Variants in DEFB1 observed in about 807,000 individuals in gnomAD.
The protein encoded by DEFB1 is beta-defensin 1.
DEFB1 carries 4 observed loss-of-function variants against 2.6 expected under a neutral mutation model. The observed-to-expected ratio is 1.53, with a 90% CI of 0.76 to 3.51. DEFB1 has a LOEUF of 3.51. DEFB1 is among the 30% of genes most tolerant of loss of function. DEFB1 has a pLI of 0.01. For missense variants in DEFB1, 162 were observed against 76.9 expected (o/e 2.11, Z -4.14); for synonymous variants, 56 against 28.5 (o/e 1.96, Z -3.07).
intron 1 of DEFB1, among the ~76,000 whole-genome samples, chr8:6,874,981 C>CA (rs34773650): frequency 4.5e-4 from 63 of 138,964 alleles, no homozygotes; most frequent in African/African-American, 1.1e-3. Flanking sequence ...GACTCAGTCT[C>CA]AAAAAAAAAA....
chr8:6,875,627 G>A (rs1283767819), intron 1 of DEFB1, among the ~76,000 whole-genome samples: 3 of 152,208 alleles, frequency 2.0e-5, no homozygotes, highest in African/African-American at 4.8e-5. Context: ...ATGTTGGCAA[G>A]GATACAGAGC....
intron 1 of DEFB1, among the ~76,000 whole-genome samples, chr8:6,877,526 C>A (rs892006146): frequency 3.9e-5 from 6 of 152,348 alleles, no homozygotes; most frequent in South Asian, 4.1e-4. Context: ...ACATAGGATA[C>A]TGTCTACATG....
intron 1 of DEFB1, among the ~76,000 whole-genome samples, chr8:6,871,449 T>C (rs1806307463): frequency 6.6e-6 from 1 of 152,200 alleles, no homozygotes; most frequent in Non-Finnish European, 1.5e-5. Flanking sequence ...AATAGCCTTC[T>C]ATTCCATGCA....
chr8:6,876,038 T>G (rs766811486), intron 1 of DEFB1, among the ~76,000 whole-genome samples: 3 of 152,162 alleles, frequency 2.0e-5, no homozygotes, highest in Admixed American at 2.0e-4. Context: ...CAAACCCTTT[T>G]GAGTTTGGAC....
chr8:6,872,133 T>C (rs1806345573), intron 1 of DEFB1, among the ~76,000 whole-genome samples: 1 of 152,138 alleles, frequency 6.6e-6, no homozygotes, highest in Admixed American at 6.5e-5. Context: ...CCAAACCTCT[T>C]CATTCTCCTG....
At position 6,876,673 on chromosome 8, in the gene DEFB1, C is replaced by T. The variant is rs552935430; in HGVS notation, c.61+1124G>A. On this transcript the variant is annotated intron_variant, in intron 1 of 1. Transcript: ENST00000297439. ...AAAAAATTAGCCAGGTGTGGTGGTGCATGCCTGTAGTCACAGTTTCTTGGG... is the reference window on the plus strand; with the variant it reads ...AAAAAATTAGCCAGGTGTGGTGGTGTATGCCTGTAGTCACAGTTTCTTGGG... Among the ~76,000 whole-genome samples the T allele has an allele frequency of 5.3e-5, 8 of 151,694 alleles. No individual in the cohort carries two copies. The East Asian group carries it at 5.8e-4, about 11-fold the overall frequency.
intron 1 of DEFB1, among the ~76,000 whole-genome samples, chr8:6,873,738 G>A (rs1806411256): frequency 8.0e-6 from 1 of 124,342 alleles, no homozygotes; most frequent in Non-Finnish European, 1.8e-5. Flanking sequence ...TTACCTGGGT[G>A]ACAAGATCAC....
At chr8:6,873,876 T>A (rs2977776) in intron 1 of DEFB1, among the ~76,000 whole-genome samples, 125,307 of 152,158 alleles carry the variant, frequency 0.82, 51,801 homozygotes, top group Middle Eastern at 0.89. Context: ...GTCTGGAATA[T>A]TGAGGTTCCT....
At chr8:6,871,793 A>G (rs1020002374) in intron 1 of DEFB1, among the ~76,000 whole-genome samples, 4 of 152,196 alleles carry the variant, frequency 2.6e-5, no homozygotes, top group African/African-American at 9.6e-5. Flanking sequence ...ACCTGAGAAG[A>G]AGCCAACCCT....
At chr8:6,872,380 G>A (rs1806355310) in intron 1 of DEFB1, among the ~76,000 whole-genome samples, 1 of 152,194 alleles carries the variant, frequency 6.6e-6, no homozygotes, top group Admixed American at 6.5e-5. Flanking sequence ...TGTGGCTAGT[G>A]GGTGCTGCAT....
At chr8:6,871,425 A>G (rs77083065) in intron 1 of DEFB1, among the ~76,000 whole-genome samples, 1,795 of 152,196 alleles carry the variant, frequency 0.012, 35 homozygotes, top group African/African-American at 0.04. Flanking sequence ...TGATAAATAG[A>G]GACAGTACTC....
At chr8:6,876,583 C>G (rs1463050490) in intron 1 of DEFB1, among the ~76,000 whole-genome samples, 2 of 151,868 alleles carry the variant, frequency 1.3e-5, no homozygotes, top group Non-Finnish European at 2.9e-5. Context: ...GTTGCTTGTG[C>G]CCAGGAGTTT....
In DEFB1 at chr8:6,877,842, G is replaced by T; in HGVS notation, c.16C>A (p.Leu6Ile). Residue 6 changes from leucine to isoleucine, a missense_variant, in exon 1 of 2, where the codon CTT becomes ATT. Transcript: ENST00000297439. MRTSY[L>I]LLFTLCLLLS... Reference sequence around the variant, plus strand: ...AGTAAGCAGAGAGTAAACAGCAGAAGGTAGGAAGTTCTCATGGCGACTGGC... The same window carrying T: ...AGTAAGCAGAGAGTAAACAGCAGAATGTAGGAAGTTCTCATGGCGACTGGC... 6.2e-7 allele frequency: 1 copy of T among 1,614,062 alleles called. No individual in the cohort carries two copies. The highest frequency in any genetic ancestry group is 1.1e-5 in the South Asian group (1 of 91,070).
chr8:6,876,550 C>G (rs978420837), intron 1 of DEFB1, among the ~76,000 whole-genome samples: 1 of 151,972 alleles, frequency 6.6e-6, no homozygotes, highest in Non-Finnish European at 1.5e-5. Context: ...AATCCCAGAA[C>G]TTTGGGAGTC....
intron 1 of DEFB1, among the ~76,000 whole-genome samples, 173 bp downstream of exon 1, chr8:6,877,624 T>G (rs1044055000): frequency 6.6e-6 from 1 of 152,182 alleles, no homozygotes; most frequent in Non-Finnish European, 1.5e-5. Flanking sequence ...CCCTGAAGGC[T>G]TGGCAGGGCT....
intron 1 of DEFB1, among the ~76,000 whole-genome samples, chr8:6,871,422 T>C (rs1806306159): frequency 1.3e-5 from 2 of 152,112 alleles, no homozygotes; most frequent in African/African-American, 4.8e-5. Flanking sequence ...ATCTGATAAA[T>C]AGAGACAGTA....
intron 1 of DEFB1, among the ~76,000 whole-genome samples, chr8:6,875,443 A>G (rs1397154209): frequency 1.3e-5 from 2 of 152,240 alleles, no homozygotes; most frequent in Admixed American, 1.3e-4. Context: ...ATAATCCAAA[A>G]GAAAACATGG....
At chr8:6,876,459 A>C (rs193131631) in intron 1 of DEFB1, among the ~76,000 whole-genome samples, 82 of 152,218 alleles carry the variant, frequency 5.4e-4, no homozygotes, top group African/African-American at 1.8e-3. Flanking sequence ...CCTGGGTGAC[A>C]GAGCAAGACT....
chr8:6,872,843 C>G (rs1325028446), intron 1 of DEFB1, among the ~76,000 whole-genome samples: 2 of 152,206 alleles, frequency 1.3e-5, no homozygotes, highest in African/African-American at 2.4e-5. Context: ...CTGCCAAAGT[C>G]TCCACTTTCT....
Sources: allele counts gnomAD v4.1 joint callset (sites outside exome capture counted in the v4.1 genomes callset), GRCh38; gene constraint gnomAD v4.1.1; transcripts MANE v1.5; gene names NCBI Gene and HGNC (gene_info 2026-07-23, HGNC 2026-07-21).